The following CCR8 variants were observed in gnomAD, a reference collection of about 807,000 sequenced individuals.
CCR8 encodes the protein C-C motif chemokine receptor 8, also known as C-C chemokine receptor type 8.
For synonymous variants in CCR8, 156 were observed against 165.7 expected (o/e 0.94, Z 0.45); for missense variants, 358 against 417.5 (o/e 0.86, Z 1.24).
chr3:39,333,352 T>A lies in CCR8; in HGVS notation c.1021T>A (p.Cys341Ser). 6.2e-7 allele frequency: 1 copy of A among 1,614,042 alleles called. No homozygotes were observed. The highest frequency in any genetic ancestry group is 1.1e-5 in the South Asian group (1 of 91,082). Residue 341 changes from cysteine to serine, a missense_variant, in exon 2 of 2, where the codon TGC (cysteine) becomes AGC (serine). Transcript: ENST00000326306. ...PRESCEKSSSCQQHSSRSSSV... is the reference protein window; with the variant it reads ...PRESCEKSSSSQQHSSRSSSV... ...GGAGAGCTGTGAAAAGTCATCATCC[T>A]GCCAGCAGCACTCCTCCCGTTCCTC...
At position 39,332,368 on chromosome 3, in the gene CCR8, A is replaced by T. The variant is rs1348149607; in HGVS notation, c.37A>T (p.Thr13Ser). The T allele has an allele frequency of 6.2e-7, 1 of 1,613,958 alleles. No homozygotes were observed. The highest frequency in any genetic ancestry group is 8.5e-7 in the Non-Finnish European group (1 of 1,179,894). Residue 13 changes from threonine to serine, a missense_variant, in exon 2 of 2, where the codon ACC becomes TCC. Physicochemically the swap from Thr to Ser is moderately conservative, Grantham distance 58. Coordinates refer to ENST00000326306, the MANE Select transcript of CCR8 (RefSeq NM_005201.4). Reference protein sequence around the residue: ...YTLDLSVTTVTDYYYPDIFSS... With the variant: ...YTLDLSVTTVSDYYYPDIFSS... Reference sequence around the variant, plus strand: ...ACTTGACCTCAGTGTGACAACAGTGACCGACTACTACTACCCTGATATCTT... The same window carrying T: ...ACTTGACCTCAGTGTGACAACAGTGTCCGACTACTACTACCCTGATATCTT...
At position 39,332,605 on chromosome 3, in the gene CCR8, A is replaced by G. The variant is rs2041265051; in HGVS notation, c.274A>G (p.Thr92Ala). The part of the protein sequence containing the change: ...LLFVFSFPFQ[T>A]YYLLDQWVFG... Reference sequence around the variant, plus strand: ...TTTTGTCTTCTCCTTCCCCTTTCAGACCTACTATCTGCTGGACCAGTGGGT... The same window carrying G: ...TTTTGTCTTCTCCTTCCCCTTTCAGGCCTACTATCTGCTGGACCAGTGGGT... The change falls in exon 2 of 2, where the codon ACC (threonine) becomes GCC (alanine). Residue 92 changes from threonine (T) to alanine (A), a missense_variant. Coordinates refer to ENST00000326306, the MANE Select transcript of CCR8 (RefSeq NM_005201.4). 6.2e-7 allele frequency: 1 copy of G among 1,614,042 alleles called. No homozygotes were observed. Among genetic ancestry groups the G allele is most frequent in the Non-Finnish European group, 8.5e-7 (1 of 1,180,010 alleles).
At chr3:39,331,091 T>C (rs896145638) in intron 1 of CCR8, among the ~76,000 whole-genome samples, 2 of 152,066 alleles carry the variant, frequency 1.3e-5, no homozygotes, top group Non-Finnish European at 1.5e-5. Context: ...CCCAAAGCAT[T>C]GTGAGAATAT....
intron 1 of CCR8, among the ~76,000 whole-genome samples, 185 bp downstream of exon 1, chr3:39,330,014 T>C (rs1291355630): frequency 2.0e-5 from 3 of 152,206 alleles, no homozygotes; most frequent in Non-Finnish European, 4.4e-5. Flanking sequence ...TGGCTGCCCA[T>C]GCTCTGGCTG....
In CCR8 at chr3:39,333,129, G is replaced by A. The variant is rs1251128507; in HGVS notation, c.798G>A (p.Met266Ile). Residue 266 changes from methionine (M) to isoleucine (I), a missense_variant, in exon 2 of 2, where the codon ATG (methionine) becomes ATA (isoleucine). By Grantham distance (10) the Met-to-Ile change is conservative. Transcript: ENST00000326306. ...TTTTCCTCACTTCCTTGCACAGTAT[G>A]CACATCTTGGATGGATGTAGCATAA... ...VVLFLTSLHS[M>I]HILDGCSISQ... 1 of 1,613,972 alleles carries A rather than the reference G, an allele frequency of 6.2e-7. No homozygotes were observed. Among genetic ancestry groups the A allele is most frequent in the Non-Finnish European group, 8.5e-7 (1 of 1,180,008 alleles).
intron 1 of CCR8, among the ~76,000 whole-genome samples, chr3:39,331,027 A>T (rs2041251205): frequency 6.6e-6 from 1 of 151,938 alleles, no homozygotes; most frequent in African/African-American, 2.4e-5. Flanking sequence ...AGAGGGAATG[A>T]GGGAGGGAGA....
rs199538266 is a variant in CCR8, at chr3:39,332,746, G to A, written c.415G>A (p.Val139Met). The A allele has an allele frequency of 8.6e-5, 139 of 1,614,124 alleles. No individual in the cohort carries two copies. Among genetic ancestry groups the A allele is most frequent in the Middle Eastern group, 1.6e-4 (1 of 6,062 alleles). Reference sequence around the variant, plus strand: ...CAGGTACCTGGCTGTTGTCCATGCCGTGTATGCCCTAAAGGTGAGGACGAT... The same window carrying A: ...CAGGTACCTGGCTGTTGTCCATGCCATGTATGCCCTAAAGGTGAGGACGAT... ...VDRYLAVVHA[V>M]YALKVRTIRM... Residue 139 changes from valine (V) to methionine (M), a missense_variant, in exon 2 of 2, where the codon GTG (valine) becomes ATG (methionine). Coordinates refer to ENST00000326306, the MANE Select transcript of CCR8 (RefSeq NM_005201.4).
At position 39,333,555 on chromosome 3, in the gene CCR8, T is replaced by C; in HGVS notation, c.*156T>C. 1.6e-6 allele frequency: 1 copy of C among 618,720 alleles called. No homozygotes were observed. Among genetic ancestry groups the C allele is most frequent in the Admixed American group, 3.0e-5 (1 of 33,080 alleles). The allele number at this position is 618,720 out of a possible 1,614,324, so 38.3% of individuals were successfully genotyped here. A position where few individuals can be genotyped will look rare whatever the true frequency, so the allele number is the denominator to read the frequency against. On this transcript the variant is annotated 3_prime_UTR_variant, in exon 2 of 2. Transcript: ENST00000326306. ...ACTTGGAACACAATGACTAAAGACA[T>C]AGTTGTGCATGCCTGGCACAACATC... is the stretch of plus-strand genomic sequence containing the variant.
At position 39,333,361 on chromosome 3, in the gene CCR8, C is replaced by A. The variant is rs775872835; in HGVS notation, c.1030C>A (p.His344Asn). ...SCEKSSSCQQ[H>N]SSRSSSVDYI... ...TGAAAAGTCATCATCCTGCCAGCAGCACTCCTCCCGTTCCTCCAGCGTAGA... is the reference window on the plus strand; with the variant it reads ...TGAAAAGTCATCATCCTGCCAGCAGAACTCCTCCCGTTCCTCCAGCGTAGA... Residue 344 changes from histidine (H) to asparagine (N), a missense_variant, in exon 2 of 2, where the codon CAC becomes AAC. Physicochemically the swap from His to Asn is moderately conservative, Grantham distance 68. Transcript: ENST00000326306. The A allele has an allele frequency of 1.8e-5, 29 of 1,613,892 alleles. No homozygotes were observed. The highest frequency in any genetic ancestry group is 2.3e-5 in the Non-Finnish European group (27 of 1,179,876).
At position 39,332,323 on chromosome 3, in the gene CCR8, G is replaced by A. The variant is rs369330562; in HGVS notation, c.-9G>A. 3.2e-5 allele frequency: 51 copies of A among 1,575,460 alleles called. No individual in the cohort carries two copies. The highest frequency in any genetic ancestry group is 1.8e-4 in the East Asian group (8 of 44,624). On this transcript the variant is annotated 5_prime_UTR_variant, in exon 2 of 2. Coordinates refer to ENST00000326306, the MANE Select transcript of CCR8 (RefSeq NM_005201.4). ...TTATGTGTCTCTGTGACCAGGTCCC[G>A]CTGCCTTGATGGATTATACACTTGA...
chr3:39,333,297 C>T lies in CCR8; in HGVS notation c.966C>T (p.Ile322=). 1 of 1,614,102 alleles carries T rather than the reference C, an allele frequency of 6.2e-7. No homozygotes were observed. The highest frequency in any genetic ancestry group is 8.5e-7 in the Non-Finnish European group (1 of 1,179,988). The change falls in exon 2 of 2, where the codon ATC becomes ATT. Residue 322 remains isoleucine (I), a synonymous_variant. Coordinates refer to ENST00000326306, the MANE Select transcript of CCR8 (RefSeq NM_005201.4). Reference sequence around the variant, plus strand: ...TATTTCAGAAAAGTTGCAGCCAAATCTTCAACTACCTAGGAAGACAAATGC... The same window carrying T: ...TATTTCAGAAAAGTTGCAGCCAAATTTTCAACTACCTAGGAAGACAAATGC... ...SEIFQKSCSQ[I]FNYLGRQMPR...
chr3:39,330,233 T>C (rs1243195081), intron 1 of CCR8, among the ~76,000 whole-genome samples: 2 of 152,166 alleles, frequency 1.3e-5, no homozygotes, highest in African/African-American at 2.4e-5. Context: ...CAAACTTTCA[T>C]ATGACTAAAG....
Position 39,332,463 on chromosome 3 carries a change from C to A in CCR8, c.132C>A (p.Leu44=), listed in dbSNP as rs1468236758. 6 of 1,613,948 alleles carry A rather than the reference C, an allele frequency of 3.7e-6. No homozygotes were observed. The highest frequency in any genetic ancestry group is 1.7e-5 in the Admixed American group (1 of 59,990). Residue 44 remains leucine, a synonymous_variant, in exon 2 of 2, where the codon CTC becomes CTA. Transcript: ENST00000326306. ...TGCTCCTTGCTGTCTTTTATTGCCT[C>A]CTGTTTGTATTCAGTCTTCTGGGAA... ...GKLLLAVFYC[L]LFVFSLLGNS...
rs771125610 is a variant in CCR8, at chr3:39,333,324, T to C, written c.993T>C (p.Pro331=). Residue 331 remains proline (P), a synonymous_variant, in exon 2 of 2, where the codon CCT becomes CCC. Transcript: ENST00000326306. ...QIFNYLGRQM[P]RESCEKSSSC... ...TCAACTACCTAGGAAGACAAATGCC[T>C]AGGGAGAGCTGTGAAAAGTCATCAT... is the stretch of plus-strand genomic sequence containing the variant. The C allele has an allele frequency of 3.1e-6, 5 of 1,613,952 alleles. No individual in the cohort carries two copies. The highest frequency in any genetic ancestry group is 4.2e-6 in the Non-Finnish European group (5 of 1,179,990).
At position 39,331,925 on chromosome 3, in the gene CCR8, T is replaced by C. The variant is rs557133076; in HGVS notation, c.-14-393T>C. On this transcript the variant is annotated intron_variant, in intron 1 of 1. Coordinates refer to ENST00000326306, the MANE Select transcript of CCR8 (RefSeq NM_005201.4). ...ACCTCCACCTCTTCGGTTCAAGTGA[T>C]TCTTCTGCCTCAGCCTCCTGAGTAG... 2.9e-4 allele frequency among the ~76,000 whole-genome samples: 44 copies of C among 150,452 alleles called. No homozygotes were observed. In the South Asian group the frequency reaches 9.4e-3, roughly 32 times the overall value.
rs753689419 is a variant in CCR8, at chr3:39,332,513, T to C, written c.182T>C (p.Val61Ala). 1.9e-6 allele frequency: 3 copies of C among 1,614,180 alleles called. No individual in the cohort carries two copies. Among genetic ancestry groups the C allele is most frequent in the South Asian group, 1.1e-5 (1 of 91,090 alleles). The change falls in exon 2 of 2, where the codon GTG (valine) becomes GCG (alanine). Residue 61 changes from valine (V) to alanine (A), a missense_variant. By Grantham distance (64) the Val-to-Ala change is moderately conservative. Coordinates refer to ENST00000326306, the MANE Select transcript of CCR8 (RefSeq NM_005201.4). ...AACAGCCTGGTCATCCTGGTCCTTG[T>C]GGTCTGCAAGAAGCTGAGGAGCATC... Reference protein sequence around the residue: ...LGNSLVILVLVVCKKLRSITD... With the variant: ...LGNSLVILVLAVCKKLRSITD...
At chr3:39,331,047 A>AG (rs2041251315) in intron 1 of CCR8, among the ~76,000 whole-genome samples, 1 of 152,002 alleles carries the variant, frequency 6.6e-6, no homozygotes, top group Non-Finnish European at 1.5e-5. Context: ...AAAAGAAGGG[A>AG]GAAAAAAAGA....
chr3:39,333,627 T>C lies in CCR8; in HGVS notation c.*228T>C. The C allele has an allele frequency of 1.9e-6, 1 of 533,496 alleles. No individual in the cohort carries two copies. The highest frequency in any genetic ancestry group is 3.4e-6 in the Non-Finnish European group (1 of 294,594). The allele number at this position is 533,496 out of a possible 1,614,324, so 33.0% of individuals were successfully genotyped here. On this transcript the variant is annotated 3_prime_UTR_variant, in exon 2 of 2. Coordinates refer to ENST00000326306, the MANE Select transcript of CCR8 (RefSeq NM_005201.4). ...GATGATGTTGAACAAGTGGTAACTT[T>C]AAAGGATTCTGTATGCCAAGTGAAA...
chr3:39,330,885 G>A (rs1032645181), intron 1 of CCR8, among the ~76,000 whole-genome samples: 1 of 152,098 alleles, frequency 6.6e-6, no homozygotes, highest in African/African-American at 2.4e-5. Context: ...GGGGGAAATT[G>A]TTTGGAATGA....
Sources: allele counts gnomAD v4.1 joint callset (sites outside exome capture counted in the v4.1 genomes callset), GRCh38; gene constraint gnomAD v4.1.1; transcripts MANE v1.5; gene names NCBI Gene and HGNC (gene_info 2026-07-23, HGNC 2026-07-21).